PLAGL1: variants seen among roughly 807,000 people sequenced by gnomAD.
The protein encoded by PLAGL1 is PLAG1 like zinc finger 1.
A neutral mutation model predicts 4.6 loss-of-function variants in PLAGL1; 1 was observed. That is an observed-to-expected ratio of 0.22 (90% CI 0.08 to 1.03). The LOEUF (loss-of-function observed/expected upper bound fraction) is 1.03, where lower values mean the gene tolerates loss of function less well. Among genes scored for constraint, PLAGL1 ranks in the 50% least tolerant of loss-of-function variants. The pLI, the probability that PLAGL1 is intolerant of heterozygous loss-of-function variation, is 0.58. For missense variants in PLAGL1, 464 were observed against 570.4 expected (o/e 0.81, Z 1.90); for synonymous variants, 240 against 237.8 (o/e 1.01, Z -0.08).
chr6:144,043,079 G>A (rs1020160967), intron 1 of PLAGL1, among the ~76,000 whole-genome samples: 1 of 152,188 alleles, frequency 6.6e-6, no homozygotes, highest in African/African-American at 2.4e-5. Flanking sequence ...CTGGGGCTGA[G>A]ACAATGGGGT....
chr6:144,014,993 C>T (rs116305909), intron 1 of PLAGL1, among the ~76,000 whole-genome samples: 2,888 of 152,234 alleles, frequency 0.019, 107 homozygotes, highest in African/African-American at 0.067. Flanking sequence ...ATGCATTTCA[C>T]GCCATTCACA....
In PLAGL1 at chr6:144,039,613, T is replaced by C. The variant is rs368416930; in HGVS notation, c.-151+24855A>G. ...AAATAAAATCAAATAAAATATCACA[T>C]GCCATTTTACACCCCAAAAATGAAA... On this transcript the variant is annotated intron_variant, in intron 1 of 3. Coordinates refer to the PLAGL1 transcript ENST00000437412. This position sits in a 1 kb window ranked among gnomAD's most constrained non-coding sequence, Gnocchi z 4.1. Among the ~76,000 whole-genome samples the C allele has an allele frequency of 6.6e-6, 1 of 151,974 alleles. No individual in the cohort carries two copies. Among genetic ancestry groups the C allele is most frequent in the African/African-American group, 2.4e-5 (1 of 41,358 alleles).
intron 1 of PLAGL1, among the ~76,000 whole-genome samples, chr6:143,996,708 T>A (rs946124486): frequency 6.7e-6 from 1 of 148,906 alleles, no homozygotes; most frequent in African/African-American, 2.5e-5. Flanking sequence ...AGAACAAGGA[T>A]ATAGAACTTA....
intron 1 of PLAGL1, among the ~76,000 whole-genome samples, chr6:144,052,538 C>T (rs1562614736): frequency 6.6e-6 from 1 of 152,202 alleles, no homozygotes; most frequent in Non-Finnish European, 1.5e-5. Flanking sequence ...CTAAACAGTG[C>T]TTGACATCTA....
chr6:143,946,794 T>C (rs1394022322), intron 7 of PLAGL1, among the ~76,000 whole-genome samples: 1 of 152,232 alleles, frequency 6.6e-6, no homozygotes, highest in Non-Finnish European at 1.5e-5. Flanking sequence ...TCAAAGTTTA[T>C]TTCATGAAAT....
chr6:143,948,624 C>T lies in PLAGL1; in HGVS notation c.-324-164G>A, dbSNP rs555758931. 4.6e-5 allele frequency among the ~76,000 whole-genome samples: 7 copies of T among 152,304 alleles called. No homozygotes were observed. The highest frequency in any genetic ancestry group is 4.1e-4 in the South Asian group (2 of 4,826). On this transcript the variant is annotated intron_variant, in intron 6 of 7. Transcript: ENST00000674357. This position sits in a 1 kb window ranked among gnomAD's most constrained non-coding sequence, Gnocchi z 6.0. ...AGAGGGCCATCTGCATACAAGTCTA[C>T]ACTTTTGGCTTCTCAGAGGGTGAGG...
chr6:144,040,981 G>A (rs1479806367), intron 1 of PLAGL1, among the ~76,000 whole-genome samples: 1 of 152,216 alleles, frequency 6.6e-6, no homozygotes, highest in Non-Finnish European at 1.5e-5. Context: ...GGGAAAAAGA[G>A]AGAATATAGT....
chr6:144,009,885 A>G (rs1309570131), upstream of PLAGL1, among the ~76,000 whole-genome samples: 5 of 152,182 alleles, frequency 3.3e-5, no homozygotes, highest in African/African-American at 1.2e-4. Context: ...TCCATGGTGT[A>G]TATGTGCCAC....
chr6:144,057,773 A>G (rs1008499768), intron 1 of PLAGL1, among the ~76,000 whole-genome samples: 1 of 106,068 alleles, frequency 9.4e-6, no homozygotes, highest in Admixed American at 1.3e-4. Flanking sequence ...ACCACGCCTC[A>G]CCATTTTTTT....
rs975162631 is a variant in PLAGL1, at chr6:143,949,534, A to G, written c.-324-1074T>C. Reference sequence around the variant, plus strand: ...CCTGGACTCTGACAGCAGGTTTCAAATCGGCCTCTACCTGCCACTACCTGC... The same window carrying G: ...CCTGGACTCTGACAGCAGGTTTCAAGTCGGCCTCTACCTGCCACTACCTGC... On this transcript the variant is annotated intron_variant, in intron 6 of 7. Coordinates refer to ENST00000674357, the MANE Select transcript of PLAGL1 (RefSeq NM_001317162.2). The surrounding 1 kb of genome is among the most constrained non-coding windows in gnomAD (Gnocchi z 5.3). Among the ~76,000 whole-genome samples the G allele has an allele frequency of 3.9e-5, 6 of 152,350 alleles. No homozygotes were observed. In the South Asian group the frequency reaches 1.2e-3, roughly 32 times the overall value.
chr6:144,018,472 A>G (rs1390348798), intron 1 of PLAGL1, among the ~76,000 whole-genome samples: 1 of 152,206 alleles, frequency 6.6e-6, no homozygotes. Flanking sequence ...CACTATGGTG[A>G]CTATCGTTAA....
rs1411023030 is a variant in PLAGL1 at position 143,940,625 on chromosome 6, A to G, written c.*799T>C. ...TATATATATATTTTTAATTCCAGTA[A>G]TATTTTCTTAAATTCCTGTTAAAAA... On this transcript the variant is annotated 3_prime_UTR_variant, in exon 8 of 8. Coordinates refer to ENST00000674357, the MANE Select transcript of PLAGL1 (RefSeq NM_001317162.2). 1 of 152,412 alleles carries G rather than the reference A, an allele frequency of 6.6e-6. No homozygotes were observed. Among genetic ancestry groups the G allele is most frequent in the Non-Finnish European group, 1.5e-5 (1 of 68,004 alleles). The allele number at this position is 152,412 out of a possible 1,614,324, so 9.4% of individuals were successfully genotyped here.
Position 144,005,635 on chromosome 6 carries a change from C to G in PLAGL1, c.-584+2455G>C, listed in dbSNP as rs1794013846. Reference sequence around the variant, plus strand: ...ATACATTTCATTAATAGTAGAGTATCTTAAGACAAAAAGCATAAGGATTAA... The same window carrying G: ...ATACATTTCATTAATAGTAGAGTATGTTAAGACAAAAAGCATAAGGATTAA... On this transcript the variant is annotated intron_variant, in intron 1 of 7. Coordinates refer to ENST00000674357, the MANE Select transcript of PLAGL1 (RefSeq NM_001317162.2). The surrounding 1 kb of genome is among the most constrained non-coding windows in gnomAD (Gnocchi z 4.6). The G allele has an allele frequency of 1.3e-5, 2 of 151,974 alleles. No individual in the cohort carries two copies. The highest frequency in any genetic ancestry group is 2.9e-5 in the Non-Finnish European group (2 of 67,988). The allele number at this position is 151,974 out of a possible 1,614,324, so 9.4% of individuals were successfully genotyped here.
chr6:143,941,686 G>T lies in PLAGL1; in HGVS notation c.1130C>A (p.Ser377Tyr), dbSNP rs1180466577. 1 of 1,614,248 alleles carries T rather than the reference G, an allele frequency of 6.2e-7. No homozygotes were observed. Among genetic ancestry groups the T allele is most frequent in the South Asian group, 1.1e-5 (1 of 91,088 alleles). The change falls in exon 8 of 8, where the codon TCT becomes TAT. Residue 377 changes from serine (S) to tyrosine (Y), a missense_variant. Physicochemically the swap from Ser to Tyr is moderately radical, Grantham distance 144. Transcript: ENST00000674357. This position sits in a 1 kb window ranked among gnomAD's most constrained non-coding sequence, Gnocchi z 6.0. ...ADAVNLTIPA[S>Y]LDLSPLLGFW... is the part of the protein sequence containing the mutation. ...GCCCAACAGGGGGGACAGGTCCAGA[G>T]AGGCAGGTATTGTTAGGTTCACAGC...
At position 144,059,385 on chromosome 6, in the gene PLAGL1, C is replaced by T. The variant is rs541718096; in HGVS notation, c.-151+5083G>A. Among the ~76,000 whole-genome samples the T allele has an allele frequency of 1.2e-3, 182 of 152,334 alleles. No individual in the cohort carries two copies. Among genetic ancestry groups the T allele is most frequent in the Non-Finnish European group, 2.0e-3 (137 of 68,028 alleles). ...GGGCCTACAATGTGACTCAGACCTA[C>T]AGGTCTTGCTAAGGTTCCTCCACCA... On this transcript the variant is annotated intron_variant, in intron 1 of 3. Transcript: ENST00000437412. The surrounding 1 kb of genome is among the most constrained non-coding windows in gnomAD (Gnocchi z 4.9).
chr6:144,047,965 A>G (rs1325027227), intron 1 of PLAGL1, among the ~76,000 whole-genome samples: 1 of 152,202 alleles, frequency 6.6e-6, no homozygotes, highest in Non-Finnish European at 1.5e-5. Context: ...TACTTCCCAG[A>G]TACAATGAGG....
chr6:144,034,717 C>T lies in PLAGL1; in HGVS notation c.-151+29751G>A, dbSNP rs975861050. 6.6e-6 allele frequency among the ~76,000 whole-genome samples: 1 copy of T among 151,936 alleles called. No homozygotes were observed. Among genetic ancestry groups the T allele is most frequent in the African/African-American group, 2.4e-5 (1 of 41,350 alleles). ...TCTAAAAATCAGGTTTTCCCCCTAG[C>T]TTTTAAGATTGAAAAAAAAAATCTT... On this transcript the variant is annotated intron_variant, in intron 1 of 3. Coordinates refer to the PLAGL1 transcript ENST00000437412. The surrounding 1 kb of genome is among the most constrained non-coding windows in gnomAD (Gnocchi z 4.7).
chr6:144,026,013 G>T (rs193123734), intron 1 of PLAGL1, among the ~76,000 whole-genome samples: 1 of 152,224 alleles, frequency 6.6e-6, no homozygotes, highest in Non-Finnish European at 1.5e-5. Flanking sequence ...AACTAATAAT[G>T]GACAAAATCT....
upstream of PLAGL1, among the ~76,000 whole-genome samples, chr6:144,009,924 G>T (rs1246250842): frequency 6.6e-6 from 1 of 152,152 alleles, no homozygotes; most frequent in Non-Finnish European, 1.5e-5. Context: ...ATCACCAATG[G>T]CCATTTGGGT....
Sources: allele counts gnomAD v4.1 joint callset (sites outside exome capture counted in the v4.1 genomes callset), GRCh38; gene constraint gnomAD v4.1.1; non-coding constraint Gnocchi (gnomAD v3.1); transcripts MANE v1.5; gene names NCBI Gene and HGNC (gene_info 2026-07-23, HGNC 2026-07-21).